The following BMPR1B variants were observed in gnomAD, a reference collection of about 807,000 sequenced individuals.
BMPR1B encodes bone morphogenetic protein receptor type 1B, also known as bone morphogenetic protein receptor type-1B.
Under a neutral mutation model 59.1 loss-of-function variants are expected in BMPR1B, and 12 were observed. That is an observed-to-expected ratio of 0.20 (90% CI 0.13 to 0.33). The LOEUF (loss-of-function observed/expected upper bound fraction) is 0.33, where lower values mean the gene tolerates loss of function less well. BMPR1B is among the 10% of genes least tolerant of loss of function. The pLI, the probability that BMPR1B is intolerant of heterozygous loss-of-function variation, is 1.00. For synonymous variants in BMPR1B, 237 were observed against 207.3 expected (o/e 1.14, Z -1.23); for missense variants, 550 against 610.9 (o/e 0.90, Z 1.05).
chr4:95,049,303 CAG>C (rs1336349806), intron 3 of BMPR1B, among the ~76,000 whole-genome samples: 1 of 151,820 alleles, frequency 6.6e-6, no homozygotes, highest in Non-Finnish European at 1.5e-5. Context: ...ATTTTAGAGA[CAG>C]GGTCTTGCTA....
intron 8 of BMPR1B, among the ~76,000 whole-genome samples, chr4:95,125,578 T>G (rs17023071): frequency 0.1 from 15,804 of 152,170 alleles, 2,019 homozygotes; most frequent in African/African-American, 0.3. Context: ...CATTTTCTGA[T>G]GGTCAGCACT....
At chr4:94,904,386 T>C (rs1344206285) in intron 2 of BMPR1B, among the ~76,000 whole-genome samples, 2 of 152,070 alleles carry the variant, frequency 1.3e-5, no homozygotes, top group Non-Finnish European at 2.9e-5. Context: ...TAGTCTGTTA[T>C]TCTAAGAAGT....
intron 2 of BMPR1B, among the ~76,000 whole-genome samples, chr4:94,948,011 T>C (rs1490811048): frequency 1.3e-5 from 2 of 152,198 alleles, no homozygotes; most frequent in African/African-American, 2.4e-5. Flanking sequence ...ATATGCTAGC[T>C]CATTTAATTC....
intron 12 of BMPR1B, among the ~76,000 whole-genome samples, chr4:95,153,226 T>A (rs1465444632): frequency 6.6e-6 from 1 of 152,178 alleles, no homozygotes; most frequent in Non-Finnish European, 1.5e-5. Flanking sequence ...GGTGTCTTTG[T>A]TAATAAGGAT....
At chr4:94,883,838 C>A (rs750318454) in intron 2 of BMPR1B, among the ~76,000 whole-genome samples, 48 of 152,168 alleles carry the variant, frequency 3.2e-4, no homozygotes, top group Middle Eastern at 3.4e-3. Context: ...CTCAAAGTTT[C>A]ACAAGTAGAT....
At chr4:94,841,979 T>A (rs996177897) in intron 1 of BMPR1B, among the ~76,000 whole-genome samples, 3 of 152,058 alleles carry the variant, frequency 2.0e-5, no homozygotes, top group Non-Finnish European at 4.4e-5. Flanking sequence ...ATAACATGGA[T>A]CCCCAGTGGA....
At chr4:94,903,661 G>A (rs961660198) in intron 2 of BMPR1B, among the ~76,000 whole-genome samples, 2 of 151,962 alleles carry the variant, frequency 1.3e-5, no homozygotes, top group African/African-American at 2.4e-5. Flanking sequence ...AAATTAAAAT[G>A]TGATTGTATT....
chr4:94,981,005 A>ACGCGCGTACGCGCGCG (rs34635740), intron 2 of BMPR1B, among the ~76,000 whole-genome samples: 1 of 122,710 alleles, frequency 8.1e-6, no homozygotes, highest in Non-Finnish European at 1.8e-5. Context: ...ACACACACAC[A>ACGCGCGTACGCGCGCG]CACACACACA....
chr4:94,786,856 T>C (rs1223203153), intron 1 of BMPR1B, among the ~76,000 whole-genome samples: 2 of 152,032 alleles, frequency 1.3e-5, no homozygotes, highest in East Asian at 1.9e-4. Flanking sequence ...CTTAGCTAAT[T>C]TTTAATTTTT....
intron 1 of BMPR1B, among the ~76,000 whole-genome samples, chr4:94,775,963 C>G (rs1212282788): frequency 6.6e-6 from 1 of 151,742 alleles, no homozygotes; most frequent in African/African-American, 2.4e-5. Context: ...TGATGGTGGT[C>G]GCCTGTAGTC....
intron 7 of BMPR1B, among the ~76,000 whole-genome samples, chr4:95,124,369 A>G (rs1204722247): frequency 1.3e-5 from 2 of 152,054 alleles, no homozygotes; most frequent in Admixed American, 6.6e-5. Context: ...TTAATGGCCT[A>G]TGAACTTATG....
chr4:94,890,971 A>G (rs778848048), intron 2 of BMPR1B, among the ~76,000 whole-genome samples: 1 of 152,140 alleles, frequency 6.6e-6, no homozygotes, highest in Non-Finnish European at 1.5e-5. Flanking sequence ...TTAGTTCAGC[A>G]TGTGCCCCTA....
intron 2 of BMPR1B, among the ~76,000 whole-genome samples, chr4:94,956,752 C>A (rs1047686899): frequency 2.0e-5 from 3 of 151,910 alleles, no homozygotes; most frequent in Non-Finnish European, 4.4e-5. Context: ...TTTTGGCAGC[C>A]CTTTGATGGA....
intron 1 of BMPR1B, among the ~76,000 whole-genome samples, chr4:94,809,898 G>A (rs1723748045): frequency 6.6e-6 from 1 of 152,210 alleles, no homozygotes; most frequent in Admixed American, 6.5e-5. Flanking sequence ...GATGGCAGTT[G>A]TGATTTCACT....
At chr4:95,063,724 A>G (rs1163256218) in intron 3 of BMPR1B, among the ~76,000 whole-genome samples, 1 of 152,174 alleles carries the variant, frequency 6.6e-6, no homozygotes, top group African/African-American at 2.4e-5. Context: ...AGGCAAAAGG[A>G]CACCCCATAC....
intron 3 of BMPR1B, among the ~76,000 whole-genome samples, chr4:95,033,706 G>T (rs1384891087): frequency 6.6e-6 from 1 of 152,128 alleles, no homozygotes; most frequent in Non-Finnish European, 1.5e-5. Flanking sequence ...GAACAGAATG[G>T]TGAAACTTAG....
At chr4:94,974,549 T>A (rs1364900194) in intron 2 of BMPR1B, among the ~76,000 whole-genome samples, 3 of 152,188 alleles carry the variant, frequency 2.0e-5, no homozygotes, top group Non-Finnish European at 4.4e-5. Flanking sequence ...CTTAACATGA[T>A]CTGCTTGCTG....
chr4:95,114,646 A>ACG, intron 4 of BMPR1B, 74 bp from the exon 5 acceptor site: 1 of 573,774 alleles, frequency 1.7e-6, no homozygotes, highest in East Asian at 5.7e-5. Context: ...TTTCCCCTAG[A>ACG]CACACACACA....
At chr4:95,096,658 T>C (rs530437444) in intron 3 of BMPR1B, among the ~76,000 whole-genome samples, 1 of 148,586 alleles carries the variant, frequency 6.7e-6, no homozygotes, top group South Asian at 2.1e-4. Flanking sequence ...CTTTTTATTA[T>C]CATGATAATT....
Sources: allele counts gnomAD v4.1 joint callset (sites outside exome capture counted in the v4.1 genomes callset), GRCh38; gene constraint gnomAD v4.1.1; transcripts MANE v1.5; gene names NCBI Gene and HGNC (gene_info 2026-07-23, HGNC 2026-07-21).